ZNF618: variants seen among roughly 807,000 people sequenced by gnomAD.
The protein encoded by ZNF618 is zinc finger protein 618, also known as neural precursor cell expressed, developmentally down-regulated 10.
A neutral mutation model predicts 103.0 loss-of-function variants in ZNF618; 34 were observed. The ratio of observed to expected loss-of-function variants is 0.33; its 90% CI spans 0.25 to 0.44. The LOEUF is 0.44. Ranked by LOEUF, ZNF618 falls within the 20% of genes least tolerant of loss-of-function variation. The pLI is 1.00. For missense variants in ZNF618, 1,059 were observed against 1,295.4 expected, an observed-to-expected ratio of 0.82 and a Z score of 2.80; for synonymous variants, 551 against 542.2, an observed-to-expected ratio of 1.02 and a Z score of -0.23.
chr9:113,977,273 GGGCGCTTCCTTATCCTTTCATTCCTA>G (rs1046192676), intron 2 of ZNF618, among the ~76,000 whole-genome samples: 2 of 152,146 alleles, frequency 1.3e-5, no homozygotes, highest in African/African-American at 2.4e-5. Context: ...AGTTCTGCTG[GGGCGCTTCCTTATCCTTTCATTCCTA>G]GGAGAAGATG....
intron 6 of ZNF618, 120 bp downstream of exon 6, chr9:114,002,782 G>T (rs942286): frequency 0.34 from 390,134 of 1,141,036 alleles, 73,032 homozygotes; most frequent in East Asian, 0.65. Context: ...ACACAGTGCT[G>T]GGGTCCAAGC....
At chr9:114,000,816 C>T (rs566969944) in intron 4 of ZNF618, among the ~76,000 whole-genome samples, 15 of 152,320 alleles carry the variant, frequency 9.8e-5, no homozygotes, top group Admixed American at 9.8e-4. Flanking sequence ...GAGTCATCCG[C>T]ATTTTTCCCA....
At chr9:113,980,043 A>G (rs970239130) in intron 2 of ZNF618, among the ~76,000 whole-genome samples, 1 of 152,156 alleles carries the variant, frequency 6.6e-6, no homozygotes, top group Non-Finnish European at 1.5e-5. Flanking sequence ...GATTCTGGAC[A>G]TACTTTGAAG....
At position 113,922,719 on chromosome 9, in the gene ZNF618, C is replaced by T. The variant is rs1471524603; in HGVS notation, c.33+46306C>T. On this transcript the variant is annotated intron_variant, in intron 1 of 14. Coordinates refer to ENST00000374126, the MANE Select transcript of ZNF618 (RefSeq NM_001318042.2). ...TTTACTGTACCTTTATAGTAAGTCT[C>T]GAAGCTGGGTAGTGTCAATCCTCCA... Among the ~76,000 whole-genome samples the T allele has an allele frequency of 6.6e-4, 101 of 152,174 alleles. 1 individual carries two copies. Among genetic ancestry groups the T allele is most frequent in the Non-Finnish European group, 1.3e-4 (9 of 67,992 alleles).
At chr9:113,946,759 GC>G (rs1380578027) in intron 1 of ZNF618, among the ~76,000 whole-genome samples, 1 of 152,194 alleles carries the variant, frequency 6.6e-6, no homozygotes, top group East Asian at 1.9e-4. Context: ...GCTGGAAATG[GC>G]AGCAGGCAAG....
At chr9:113,975,807 G>A (rs1838414399) in intron 2 of ZNF618, among the ~76,000 whole-genome samples, 1 of 152,148 alleles carries the variant, frequency 6.6e-6, no homozygotes, top group Non-Finnish European at 1.5e-5. Context: ...ATTTGAGAAC[G>A]GGGTATGTTT....
chr9:114,024,239 T>C lies in ZNF618; in HGVS notation c.845-4494T>C, dbSNP rs145544009. Among the ~76,000 whole-genome samples, 441 of 152,342 alleles carry C rather than the reference T, an allele frequency of 2.9e-3. 4 individuals carry two copies. Among genetic ancestry groups the C allele is most frequent in the African/African-American group, 9.6e-3 (400 of 41,594 alleles). ...TTAGAAAAATCCATTAAGTGAACTT[T>C]TTATTTCAGCTATCATATTTTTCAT... On this transcript the variant is annotated intron_variant, in intron 10 of 14. Coordinates refer to ENST00000374126, the MANE Select transcript of ZNF618 (RefSeq NM_001318042.2).
chr9:113,926,166 T>C lies in ZNF618; in HGVS notation c.34-42951T>C, dbSNP rs944065939. On this transcript the variant is annotated intron_variant, in intron 1 of 14. Transcript: ENST00000374126. ...AGGTTGGTGTTGTTTTTTTTTTTTTTCTTTTAGGACTTTCAGTATTTCACC... is the reference window on the plus strand; with the variant it reads ...AGGTTGGTGTTGTTTTTTTTTTTTTCCTTTTAGGACTTTCAGTATTTCACC... 2.0e-5 allele frequency among the ~76,000 whole-genome samples: 3 copies of C among 151,620 alleles called. 1 individual carries two copies. The highest frequency in any genetic ancestry group is 4.4e-5 in the Non-Finnish European group (3 of 67,888).
intron 13 of ZNF618, among the ~76,000 whole-genome samples, chr9:114,039,091 C>T (rs377565914): frequency 9.6e-4 from 146 of 152,266 alleles, no homozygotes; most frequent in Non-Finnish European, 1.2e-3. Context: ...TTCCAGTTCT[C>T]GCAGTGAACT....
At chr9:113,935,621 C>T (rs559080053) in intron 1 of ZNF618, among the ~76,000 whole-genome samples, 8 of 152,274 alleles carry the variant, frequency 5.3e-5, no homozygotes, top group Non-Finnish European at 1.0e-4. Flanking sequence ...ATAAACAGTC[C>T]TCTTGGGGAC....
In ZNF618 at chr9:114,050,385, G is replaced by T; in HGVS notation, c.*218G>T. ...GTGTCTGAACACGTGCTGTGGTTGT[G>T]GGGGTGTGGGGGGGTCTCTGTGCTC... On this transcript the variant is annotated 3_prime_UTR_variant, in exon 15 of 15. Coordinates refer to ENST00000374126, the MANE Select transcript of ZNF618 (RefSeq NM_001318042.2). The T allele has an allele frequency of 1.9e-6, 1 of 530,856 alleles. No homozygotes were observed. Among genetic ancestry groups the T allele is most frequent in the Non-Finnish European group, 3.2e-6 (1 of 312,218 alleles). 32.9% of individuals were successfully genotyped at this position (530,856 alleles called of 1,614,324 possible).
At chr9:113,995,906 C>T (rs1275671052) in intron 3 of ZNF618, among the ~76,000 whole-genome samples, 4 of 152,092 alleles carry the variant, frequency 2.6e-5, no homozygotes, top group African/African-American at 7.2e-5. Flanking sequence ...TTGTTTGTAA[C>T]GTGGCACAAG....
At chr9:113,959,079 C>T (rs528787357) in intron 1 of ZNF618, among the ~76,000 whole-genome samples, 179 of 152,232 alleles carry the variant, frequency 1.2e-3, no homozygotes, top group Non-Finnish European at 2.2e-3. Context: ...CACCTGAGAT[C>T]GGGAGTTCGA....
chr9:114,016,654 C>A, intron 9 of ZNF618, 41 bp from the exon 10 acceptor site: 2 of 1,530,070 alleles, frequency 1.3e-6, no homozygotes, highest in Non-Finnish European at 1.8e-6. Context: ...TTGGTGGAGG[C>A]CAGTTGCACA....
intron 1 of ZNF618, among the ~76,000 whole-genome samples, chr9:113,915,396 A>G (rs1831976985): frequency 6.6e-6 from 1 of 152,010 alleles, no homozygotes; most frequent in South Asian, 2.1e-4. Context: ...GTTCCCTTTG[A>G]GCTTTGTGGA....
chr9:113,998,619 TA>T (rs1322540470), intron 4 of ZNF618, among the ~76,000 whole-genome samples: 1 of 152,196 alleles, frequency 6.6e-6, no homozygotes, highest in Non-Finnish European at 1.5e-5. Flanking sequence ...CAGCACTTCC[TA>T]TGGGCCGCAA....
intron 2 of ZNF618, among the ~76,000 whole-genome samples, chr9:113,987,456 G>GC (rs1839592466): frequency 6.6e-6 from 1 of 152,158 alleles, no homozygotes. Flanking sequence ...TGTTTAAAGA[G>GC]CCCCCTCCAT....
chr9:113,945,023 G>A (rs1834886798), intron 1 of ZNF618, among the ~76,000 whole-genome samples: 1 of 152,132 alleles, frequency 6.6e-6, no homozygotes. Flanking sequence ...TCATTTGATC[G>A]TGTCGTGATC....
At chr9:113,999,659 C>G (rs1027195206) in intron 4 of ZNF618, among the ~76,000 whole-genome samples, 1 of 152,242 alleles carries the variant, frequency 6.6e-6, no homozygotes, top group Non-Finnish European at 1.5e-5. Flanking sequence ...TAAACAGTAT[C>G]TACTCCACTG....
Sources: allele counts gnomAD v4.1 joint callset (sites outside exome capture counted in the v4.1 genomes callset), GRCh38; gene constraint gnomAD v4.1.1; transcripts MANE v1.5; gene names NCBI Gene and HGNC (gene_info 2026-07-23, HGNC 2026-07-21).